TMC1: variants seen among roughly 807,000 people sequenced by gnomAD.
TMC1 encodes transmembrane channel like 1, also known as transmembrane channel-like protein 1.
TMC1 carries 84 observed loss-of-function variants against 105.8 expected under a neutral mutation model. The observed-to-expected ratio is 0.79, with a 90% CI of 0.67 to 0.95. The LOEUF is 0.95. Among genes scored for constraint, TMC1 ranks in the 40% least tolerant of loss-of-function variants. The pLI is 0.00. For synonymous variants in TMC1, 315 were observed against 311.5 expected, an observed-to-expected ratio of 1.01 and a Z score of -0.12; for missense variants, 817 against 914.1, an observed-to-expected ratio of 0.89 and a Z score of 1.37.
intron 15 of TMC1, among the ~76,000 whole-genome samples, chr9:72,790,902 G>A (rs1001420107): frequency 1.3e-5 from 2 of 152,038 alleles, no homozygotes; most frequent in African/African-American, 4.8e-5. Flanking sequence ...AAATCTAATA[G>A]CAATTGTTTT....
At chr9:72,546,439 T>C (rs1050176158) in intron 1 of TMC1, among the ~76,000 whole-genome samples, 3 of 152,258 alleles carry the variant, frequency 2.0e-5, no homozygotes, top group African/African-American at 4.8e-5. Context: ...CAGTTCTTGA[T>C]TGAAGTGATT....
Position 72,776,632 on chromosome 9 carries a change from T to G in TMC1, c.884+4077T>G, listed in dbSNP as rs539788637. Among the ~76,000 whole-genome samples, 3 of 152,296 alleles carry G rather than the reference T, an allele frequency of 2.0e-5. No homozygotes were observed. The East Asian group carries it at 5.8e-4, about 29-fold the overall frequency. ...CCTTGCCACCTCTCTGTACTGTGCT[T>G]CTCCTTACGTAGGCCAAGGTGTTCC... On this transcript the variant is annotated intron_variant, in intron 13 of 23. Coordinates refer to ENST00000297784, the MANE Select transcript of TMC1 (RefSeq NM_138691.3).
intron 6 of TMC1, among the ~76,000 whole-genome samples, chr9:72,693,527 T>C (rs1826503050): frequency 6.6e-6 from 1 of 152,230 alleles, no homozygotes; most frequent in South Asian, 2.1e-4. Flanking sequence ...AGTTGTCATA[T>C]AGTTCTCATA....
intron 1 of TMC1, among the ~76,000 whole-genome samples, chr9:72,530,485 G>C (rs1477433884): frequency 6.6e-6 from 1 of 151,942 alleles, no homozygotes; most frequent in Admixed American, 6.6e-5. Context: ...AGCTACTCAG[G>C]AGGCTGAGGC....
At chr9:72,691,184 G>A (rs1010122906) in intron 6 of TMC1, among the ~76,000 whole-genome samples, 15 of 151,788 alleles carry the variant, frequency 9.9e-5, no homozygotes, top group African/African-American at 2.7e-4. Context: ...TTTATCTCTG[G>A]TTATTTTTAT....
In TMC1 at chr9:72,789,237, CT is replaced by C. The variant is rs1564555085; in HGVS notation, c.1145del (p.Leu382ProfsTer6). On this transcript the variant is annotated frameshift_variant, in exon 15 of 24. Coordinates refer to ENST00000297784, the MANE Select transcript of TMC1 (RefSeq NM_138691.3). LOFTEE classifies it high-confidence loss of function. Reference sequence around the variant, plus strand: ...TCTAACACTTGGAGGGAGTGGATACCTCATCTTTTGGGCTGTGAAGCGATCC... The same window carrying C: ...TCTAACACTTGGAGGGAGTGGATACCCATCTTTTGGGCTGTGAAGCGATCC... Reference protein sequence around the residue: ...VFLTLGGSGYLIFWAVKRSQE... With the variant: ...VFLTLGGSGYXIFWAVKRSQE... The C allele has an allele frequency of 6.2e-7, 1 of 1,613,994 alleles. No individual in the cohort carries two copies. The highest frequency in any genetic ancestry group is 1.7e-5 in the Admixed American group (1 of 60,018).
intron 8 of TMC1, among the ~76,000 whole-genome samples, chr9:72,727,445 T>G (rs1308464649): frequency 6.6e-6 from 1 of 152,002 alleles, no homozygotes; most frequent in Non-Finnish European, 1.5e-5. Context: ...AAAGGGACAA[T>G]GAAAGAATAA....
At chr9:72,616,022 A>G (rs553549978) in intron 2 of TMC1, among the ~76,000 whole-genome samples, 1 of 152,244 alleles carries the variant, frequency 6.6e-6, no homozygotes, top group East Asian at 1.9e-4. Context: ...TGCTGGGATT[A>G]CAGGCGTGAG....
rs181521361 is a variant in TMC1, at chr9:72,607,447, G to A, written c.-305-8921G>A. ...ATCCTGGCTAACATGGTGAAACCCC[G>A]TCTCTACTAAAAATACAAAAAATTA... On this transcript the variant is annotated intron_variant, in intron 2 of 23. Coordinates refer to ENST00000297784, the MANE Select transcript of TMC1 (RefSeq NM_138691.3). Among the ~76,000 whole-genome samples the A allele has an allele frequency of 2.6e-3, 390 of 150,120 alleles. 6 individuals are homozygous for A. The highest frequency in any genetic ancestry group is 8.9e-3 in the African/African-American group (365 of 40,790).
intron 8 of TMC1, among the ~76,000 whole-genome samples, chr9:72,732,026 T>C (rs1827218772): frequency 6.6e-6 from 1 of 152,222 alleles, no homozygotes; most frequent in Non-Finnish European, 1.5e-5. Flanking sequence ...CATTCCTTTA[T>C]CTCTCTTTCT....
intron 1 of TMC1, among the ~76,000 whole-genome samples, chr9:72,543,385 T>A (rs569673367): frequency 6.6e-6 from 1 of 152,204 alleles, no homozygotes; most frequent in African/African-American, 2.4e-5. Flanking sequence ...CTACAACCAC[T>A]TCCCTTATAG....
chr9:72,803,482 A>G (rs993798692), intron 17 of TMC1, among the ~76,000 whole-genome samples: 1 of 152,240 alleles, frequency 6.6e-6, no homozygotes, highest in Non-Finnish European at 1.5e-5. Flanking sequence ...CAATCTATCC[A>G]TTTGACAAAG....
chr9:72,795,292 A>G (rs532647704), intron 17 of TMC1, among the ~76,000 whole-genome samples: 26 of 152,302 alleles, frequency 1.7e-4, no homozygotes, highest in Admixed American at 6.5e-4. Flanking sequence ...TTTAGGAAAT[A>G]CAGAGAATTC....
chr9:72,741,495 T>C, intron 9 of TMC1: 1 of 259,834 alleles, frequency 3.8e-6, no homozygotes. Context: ...GATCAGTCTT[T>C]GCTGATCAGT....
rs36058524 is a variant in TMC1, at chr9:72,810,136, T to TAA, written c.1695+4645_1695+4646dup. On this transcript the variant is annotated intron_variant, in intron 18 of 23. Transcript: ENST00000297784. ...TAGTGTGGGCAATCCAGGCATAGAT[T>TAA]AAAAAAAAAAAAAAAAAAAACTAAA... Among the ~76,000 whole-genome samples the TAA allele has an allele frequency of 1.2e-3, 134 of 107,982 alleles. 2 individuals carry two copies. Among genetic ancestry groups the TAA allele is most frequent in the African/African-American group, 2.7e-3 (80 of 30,068 alleles). The allele number at this position is 107,982 out of a possible 152,430, so 70.8% of individuals were successfully genotyped here.
chr9:72,806,702 T>G (rs1400754797), intron 18 of TMC1, among the ~76,000 whole-genome samples: 123 of 129,988 alleles, frequency 9.5e-4, no homozygotes, highest in Non-Finnish European at 1.5e-3. Flanking sequence ...TTCCTAGATG[T>G]GATGGTGGCC....
At chr9:72,584,783 T>C (rs946798878) in intron 2 of TMC1, among the ~76,000 whole-genome samples, 1 of 138,680 alleles carries the variant, frequency 7.2e-6, no homozygotes, top group Non-Finnish European at 1.5e-5. Flanking sequence ...TCTTTTCTTT[T>C]CTTTTTTTTT....
chr9:72,551,264 T>G (rs920458317), intron 1 of TMC1, among the ~76,000 whole-genome samples: 2 of 152,228 alleles, frequency 1.3e-5, no homozygotes, highest in African/African-American at 4.8e-5. Context: ...AACCACTACA[T>G]TTTTGGTAAT....
At chr9:72,542,775 G>A (rs988594605) in intron 1 of TMC1, among the ~76,000 whole-genome samples, 4 of 151,922 alleles carry the variant, frequency 2.6e-5, no homozygotes, top group African/African-American at 7.3e-5. Flanking sequence ...TGCCGCCCGG[G>A]TTCAAGCAAT....
Sources: gnomAD v4.1 joint callset for allele counts (sites outside exome capture counted in the v4.1 genomes callset) on GRCh38, gnomAD v4.1.1 for gene constraint, MANE v1.5 for transcripts, NCBI Gene and HGNC (gene_info 2026-07-23, HGNC 2026-07-21) for gene names.